TMEFF2: variants seen among roughly 807,000 people sequenced by gnomAD.
TMEFF2 encodes the protein transmembrane protein with EGF like and two follistatin like domains 2, also known as tomoregulin-2.
Under a neutral mutation model 53.8 loss-of-function variants are expected in TMEFF2, and 28 were observed. The observed-to-expected ratio is 0.52, with a 90% confidence interval of 0.39 to 0.71. The LOEUF (loss-of-function observed/expected upper bound fraction) is 0.71. TMEFF2 is among the 30% of genes least tolerant of loss of function. TMEFF2 has a pLI of 0.00. For missense variants in TMEFF2, 353 were observed against 455.2 expected, an observed-to-expected ratio of 0.78 and a Z score of 2.04; for synonymous variants, 162 against 166.3, an observed-to-expected ratio of 0.97 and a Z score of 0.20.
At chr2:192,089,081 A>C (rs1688731324) in intron 4 of TMEFF2, among the ~76,000 whole-genome samples, 2 of 152,140 alleles carry the variant, frequency 1.3e-5, no homozygotes, top group African/African-American at 4.8e-5. Flanking sequence ...ATTGAAAATC[A>C]AGACAAAAGT....
rs141998274 is a variant in TMEFF2, at chr2:191,995,756, G to A, written c.745+2506C>T. On this transcript the variant is annotated intron_variant, in intron 7 of 9. Coordinates refer to ENST00000272771, the MANE Select transcript of TMEFF2 (RefSeq NM_016192.4). ...AAGACAAATATATCTAAAATTTCTT[G>A]AGAATCTTGACGTATGCAATCTATG... Among the ~76,000 whole-genome samples the A allele has an allele frequency of 3.9e-3, 600 of 152,032 alleles. 16 individuals carry two copies. The South Asian group carries it at 0.051, about 13-fold the overall frequency.
chr2:192,027,446 C>A (rs893991185), intron 5 of TMEFF2, among the ~76,000 whole-genome samples: 1 of 152,022 alleles, frequency 6.6e-6, no homozygotes, highest in Non-Finnish European at 1.5e-5. Flanking sequence ...GAACAGTATA[C>A]AAAATAATAT....
At chr2:192,100,924 A>G (rs546457492) in intron 4 of TMEFF2, among the ~76,000 whole-genome samples, 30 of 152,302 alleles carry the variant, frequency 2.0e-4, no homozygotes, top group Admixed American at 1.6e-3. Context: ...CACAAATTTT[A>G]TATTACTCCT....
chr2:192,079,520 T>C (rs1214050070), intron 4 of TMEFF2, among the ~76,000 whole-genome samples: 2 of 152,208 alleles, frequency 1.3e-5, no homozygotes, highest in African/African-American at 4.8e-5. Flanking sequence ...ATCAAAGCTG[T>C]TCATCTGTTC....
Position 192,193,798 on chromosome 2 carries a change from A to G in TMEFF2, c.172+555T>C, listed in dbSNP as rs144219082. ...GAGAGAGAGAGAGAGAGAGAGAGAG[A>G]GAGAGAGAGAAATTCTATTGAAACC... On this transcript the variant is annotated intron_variant, in intron 1 of 9. Transcript: ENST00000272771. Among the ~76,000 whole-genome samples the G allele has an allele frequency of 6.8e-3, 955 of 139,668 alleles. 4 individuals carry two copies. Among genetic ancestry groups the G allele is most frequent in the African/African-American group, 0.025 (901 of 35,522 alleles). 91.6% of individuals were successfully genotyped at this position (139,668 alleles called of 152,430 possible). A position where few individuals can be genotyped will look rare whatever the true frequency, so the allele number is the denominator to read the frequency against.
intron 4 of TMEFF2, among the ~76,000 whole-genome samples, chr2:192,087,853 T>G (rs1688701314): frequency 6.6e-6 from 1 of 152,202 alleles, no homozygotes; most frequent in African/African-American, 2.4e-5. Context: ...TTATATATTT[T>G]GGCTATACGA....
At chr2:192,053,342 T>C (rs1023319838) in intron 5 of TMEFF2, among the ~76,000 whole-genome samples, 1 of 152,220 alleles carries the variant, frequency 6.6e-6, no homozygotes, top group African/African-American at 2.4e-5. Context: ...GTACTGACTT[T>C]TTTATTCTAA....
At chr2:192,001,977 T>C (rs1475935214) in intron 5 of TMEFF2, among the ~76,000 whole-genome samples, 1 of 152,210 alleles carries the variant, frequency 6.6e-6, no homozygotes. Context: ...AATTGAACAA[T>C]TGTGTGGGAT....
At chr2:192,193,749 GAGATAGAT>G (rs149082794) in intron 1 of TMEFF2, among the ~76,000 whole-genome samples, 4,602 of 41,916 alleles carry the variant, frequency 0.11, 304 homozygotes, top group Middle Eastern at 0.24. Context: ...GAGAGAGAGA[GAGATAGAT>G]AGATAGAGAG....
At chr2:192,098,649 G>A (rs1417313656) in intron 4 of TMEFF2, among the ~76,000 whole-genome samples, 1 of 152,096 alleles carries the variant, frequency 6.6e-6, no homozygotes, top group Non-Finnish European at 1.5e-5. Flanking sequence ...AGTAAAGTTT[G>A]AAAAATAAAT....
intron 7 of TMEFF2, among the ~76,000 whole-genome samples, chr2:191,958,184 G>T (rs1005995476): frequency 6.6e-6 from 1 of 152,158 alleles, no homozygotes; most frequent in African/African-American, 2.4e-5. Context: ...GCTGTTTAAA[G>T]GAGACTTTAG....
At chr2:192,164,268 A>C (rs1574427156) in intron 4 of TMEFF2, among the ~76,000 whole-genome samples, 1 of 151,996 alleles carries the variant, frequency 6.6e-6, no homozygotes, top group African/African-American at 2.4e-5. Context: ...TCTGGATTTC[A>C]CTAAGGCATC....
intron 7 of TMEFF2, among the ~76,000 whole-genome samples, chr2:191,964,380 T>TTCTCTTTCTTTC (rs1280948044): frequency 5.0e-5 from 2 of 39,874 alleles, no homozygotes; most frequent in African/African-American, 7.8e-5. Context: ...TTCTCTTTCT[T>TTCTCTTTCTTTC]TCTTTCTTTC....
intron 5 of TMEFF2, among the ~76,000 whole-genome samples, chr2:192,029,589 G>A (rs148001935): frequency 5.0e-4 from 76 of 152,266 alleles, no homozygotes; most frequent in Non-Finnish European, 8.7e-4. Flanking sequence ...AAGATGCTAC[G>A]TAATCTAGGC....
chr2:192,037,625 AGGAGAGAAAGAGAGAGAAAGAGAG>A (rs1687357425), intron 5 of TMEFF2, among the ~76,000 whole-genome samples: 1 of 80,910 alleles, frequency 1.2e-5, no homozygotes, highest in Non-Finnish European at 2.7e-5. Flanking sequence ...AAAGAGAGAG[AGGAGAGAAAGAGAGAGAAAGAGAG>A]AGAGAGAGAG....
intron 5 of TMEFF2, among the ~76,000 whole-genome samples, chr2:192,039,985 T>G (rs1687433055): frequency 6.6e-6 from 1 of 152,076 alleles, no homozygotes. Flanking sequence ...ACCTACAATT[T>G]TACAAGTTTA....
chr2:192,011,919 C>G (rs1574289723), intron 5 of TMEFF2, among the ~76,000 whole-genome samples: 1 of 152,152 alleles, frequency 6.6e-6, no homozygotes, highest in East Asian at 1.9e-4. Context: ...CAGCGTCTCG[C>G]TCTGTCATCC....
At position 192,194,361 on chromosome 2, in the gene TMEFF2, T is replaced by A. The variant is rs1446714038; in HGVS notation, c.164A>T (p.Asn55Ile). Residue 55 changes from asparagine (N) to isoleucine (I), a missense_variant, in exon 1 of 10, where the codon AAT (asparagine) becomes ATT (isoleucine). By Grantham distance (149) the Asn-to-Ile change is moderately radical (BLOSUM62 -3). Transcript: ENST00000272771. This position sits in a 1 kb window ranked among gnomAD's most constrained non-coding sequence, Gnocchi z 4.2. ...LSDCQTPTGWNCSGYDDREND... is the reference protein window; with the variant it reads ...LSDCQTPTGWICSGYDDREND... ...GGGGGTTCTGGACTTACCAGAGCAA[T>A]TCCAGCCGGTGGGCGTTTGGCAGTC... 6.2e-7 allele frequency: 1 copy of A among 1,614,048 alleles called. No individual in the cohort carries two copies. Among genetic ancestry groups the A allele is most frequent in the Admixed American group, 1.7e-5 (1 of 60,006 alleles).
chr2:191,969,850 T>G (rs923388198), intron 7 of TMEFF2, among the ~76,000 whole-genome samples: 1 of 152,196 alleles, frequency 6.6e-6, no homozygotes, highest in Admixed American at 6.5e-5. Context: ...TATGAGTATT[T>G]CTGAAGGTGG....
Sources: gnomAD v4.1 joint callset for allele counts (sites outside exome capture counted in the v4.1 genomes callset) on GRCh38, gnomAD v4.1.1 for gene constraint, Gnocchi (gnomAD v3.1) non-coding constraint, MANE v1.5 for transcripts, NCBI Gene and HGNC (gene_info 2026-07-23, HGNC 2026-07-21) for gene names.